The following RSPO2 variants were observed in gnomAD, a reference collection of about 807,000 sequenced individuals.
The protein encoded by RSPO2 is R-spondin 2.
A neutral mutation model predicts 30.9 loss-of-function variants in RSPO2; 14 were observed. That is an observed-to-expected ratio of 0.45 (90% CI 0.30 to 0.71). RSPO2 has a LOEUF of 0.71. RSPO2 is among the 30% of genes least tolerant of loss of function. RSPO2 has a pLI of 0.08. For missense variants in RSPO2, 264 were observed against 301.9 expected, an observed-to-expected ratio of 0.87 and a Z score of 0.93; for synonymous variants, 107 against 96.4, an observed-to-expected ratio of 1.11 and a Z score of -0.64.
intron 5 of RSPO2, among the ~76,000 whole-genome samples, chr8:107,920,044 C>T (rs1812103210): frequency 6.6e-6 from 1 of 151,982 alleles, no homozygotes; most frequent in African/African-American, 2.4e-5. Context: ...AGACTTATCT[C>T]CCTCCAAGTT....
In RSPO2 at chr8:107,901,003, G is replaced by A. The variant is rs1586521906; in HGVS notation, c.*72C>T. 6.5e-7 allele frequency: 1 copy of A among 1,527,044 alleles called. No individual in the cohort carries two copies. The highest frequency in any genetic ancestry group is 1.2e-5 in the South Asian group (1 of 83,770). The allele number at this position is 1,527,044 out of a possible 1,614,324, so 94.6% of individuals were successfully genotyped here. ...CAGCACAAAGGCTGCACACCAGTGT[G>A]CAGGAGTGGAGAGTAGCTTTGTGCA... On this transcript the variant is annotated 3_prime_UTR_variant, in exon 6 of 6. Coordinates refer to ENST00000276659, the MANE Select transcript of RSPO2 (RefSeq NM_178565.5).
intron 2 of RSPO2, among the ~76,000 whole-genome samples, chr8:108,001,168 G>A (rs1815234715): frequency 6.6e-6 from 1 of 152,046 alleles, no homozygotes; most frequent in South Asian, 2.1e-4. Context: ...CTCCAGCCTG[G>A]GCGACAGAGC....
chr8:108,063,116 TG>T (rs1447766329), intron 2 of RSPO2, among the ~76,000 whole-genome samples: 2 of 151,794 alleles, frequency 1.3e-5, no homozygotes, highest in East Asian at 1.9e-4. Flanking sequence ...CTTTGAAAAC[TG>T]GCACAAGACA....
chr8:107,909,067 G>A (rs560975448), intron 5 of RSPO2, among the ~76,000 whole-genome samples: 2 of 152,232 alleles, frequency 1.3e-5, no homozygotes, highest in East Asian at 3.9e-4. Context: ...TGGTGAGGGT[G>A]GAAAGACAGC....
chr8:107,902,783 TTTAAAAGAA>T lies in RSPO2; in HGVS notation c.617-1602_617-1594del, dbSNP rs372449377. On this transcript the variant is annotated intron_variant, in intron 5 of 5. Transcript: ENST00000276659. ...ATCTTTTTATCACAAGAAAAAAAGA[TTTAAAAGAA>T]TAACTTATGTTTAATAGGACATTGC... Among the ~76,000 whole-genome samples the T allele has an allele frequency of 3.2e-3, 493 of 152,178 alleles. 1 individual carries two copies. Among genetic ancestry groups the T allele is most frequent in the Admixed American group, 7.3e-3 (111 of 15,280 alleles).
intron 3 of RSPO2, among the ~76,000 whole-genome samples, chr8:107,982,068 T>G (rs923150062): frequency 3.6e-5 from 4 of 111,558 alleles, no homozygotes; most frequent in African/African-American, 1.3e-4. Context: ...GGAAACAAAA[T>G]GTAGTGTTCT....
intron 2 of RSPO2, among the ~76,000 whole-genome samples, chr8:108,043,570 C>T (rs557946427): frequency 4.0e-5 from 6 of 148,748 alleles, no homozygotes; most frequent in Non-Finnish European, 8.9e-5. Context: ...TTTTTTTACT[C>T]ATATACTTTG....
chr8:107,941,805 T>C (rs760933887), intron 5 of RSPO2, among the ~76,000 whole-genome samples: 4 of 152,190 alleles, frequency 2.6e-5, no homozygotes, highest in African/African-American at 9.6e-5. Flanking sequence ...AAGTGAATTC[T>C]TTATAGTTAG....
chr8:107,937,153 T>G (rs59427323), intron 5 of RSPO2, among the ~76,000 whole-genome samples: 15,102 of 112,736 alleles, frequency 0.13, 873 homozygotes, highest in East Asian at 0.32. Flanking sequence ...CATCTTCAGT[T>G]GTTTTTTTTT....
chr8:108,012,468 G>A (rs529580508), intron 2 of RSPO2, among the ~76,000 whole-genome samples: 45 of 152,228 alleles, frequency 3.0e-4, no homozygotes, highest in Non-Finnish European at 5.3e-4. Flanking sequence ...TAAGGAAAAC[G>A]GATAATCTGC....
At chr8:107,932,007 T>C (rs1812567226) in intron 5 of RSPO2, among the ~76,000 whole-genome samples, 1 of 152,204 alleles carries the variant, frequency 6.6e-6, no homozygotes, top group Non-Finnish European at 1.5e-5. Flanking sequence ...TATGTTTTTT[T>C]TAAAAGACTA....
At chr8:107,946,103 G>A (rs1306613886) in intron 5 of RSPO2, among the ~76,000 whole-genome samples, 1 of 152,188 alleles carries the variant, frequency 6.6e-6, no homozygotes, top group Non-Finnish European at 1.5e-5. Flanking sequence ...GTAAGACTGG[G>A]TGGGTCATTA....
chr8:107,952,609 A>G (rs532274147), intron 5 of RSPO2, among the ~76,000 whole-genome samples: 1 of 152,344 alleles, frequency 6.6e-6, no homozygotes, highest in South Asian at 2.1e-4. Context: ...ATTGTGACTC[A>G]AATGTAAACA....
chr8:107,994,380 T>C (rs1230193661), intron 2 of RSPO2, among the ~76,000 whole-genome samples: 4 of 152,102 alleles, frequency 2.6e-5, no homozygotes, highest in African/African-American at 4.8e-5. Flanking sequence ...ACCAGTAAGA[T>C]ATTATTTACT....
chr8:108,011,287 T>C (rs1586626035), intron 2 of RSPO2, among the ~76,000 whole-genome samples: 2 of 152,018 alleles, frequency 1.3e-5, no homozygotes, highest in East Asian at 3.9e-4. Flanking sequence ...CCCATAGGTA[T>C]GGTCTTAGGA....
intron 2 of RSPO2, among the ~76,000 whole-genome samples, chr8:108,050,513 ATGTAGATTTTTATTT>A (rs1812046275): frequency 1.3e-5 from 2 of 152,188 alleles, no homozygotes; most frequent in African/African-American, 4.8e-5. Context: ...GACCATAAGT[ATGTAGATTTTTATTT>A]TACTATTCTA....
chr8:108,059,472 T>C (rs1271275620), intron 2 of RSPO2, among the ~76,000 whole-genome samples: 1 of 151,444 alleles, frequency 6.6e-6, no homozygotes, highest in African/African-American at 2.5e-5. Flanking sequence ...GAACTAGAAA[T>C]ACCATTTGAC....
At chr8:107,966,339 A>G (rs1813804618) in intron 3 of RSPO2, among the ~76,000 whole-genome samples, 1 of 152,106 alleles carries the variant, frequency 6.6e-6, no homozygotes, top group Admixed American at 6.5e-5. Context: ...AGAAGCACAG[A>G]TGAGAAAACA....
At chr8:107,980,514 C>T (rs1814389296) in intron 3 of RSPO2, among the ~76,000 whole-genome samples, 1 of 152,156 alleles carries the variant, frequency 6.6e-6, no homozygotes, top group African/African-American at 2.4e-5. Flanking sequence ...AAAGATTAAA[C>T]CTAAAGTAAA....
Sources: gnomAD v4.1 joint callset for allele counts (sites outside exome capture counted in the v4.1 genomes callset) on GRCh38, gnomAD v4.1.1 for gene constraint, MANE v1.5 for transcripts, NCBI Gene and HGNC (gene_info 2026-07-23, HGNC 2026-07-21) for gene names.